The following ME2 variants were observed in gnomAD, a reference collection of about 807,000 sequenced individuals.
The protein encoded by ME2 is NAD-dependent malic enzyme, mitochondrial.
Under a neutral mutation model 73.7 loss-of-function variants are expected in ME2, and 60 were observed. The observed-to-expected ratio is 0.81, with a 90% CI of 0.66 to 1.01. The LOEUF (loss-of-function observed/expected upper bound fraction) is 1.01, where lower values mean the gene tolerates loss of function less well. Among genes scored for constraint, ME2 ranks in the 50% least tolerant of loss-of-function variants. The pLI, the probability that ME2 is intolerant of heterozygous loss-of-function variation, is 0.00. For missense variants in ME2, 594 were observed against 705.5 expected (o/e 0.84, Z 1.79); for synonymous variants, 199 against 236.9 (o/e 0.84, Z 1.47).
chr18:50,879,125 C>T lies in ME2; in HGVS notation c.-196C>T, dbSNP rs1479565374. ...CTCCTCGCGCCCTCCCCTCTCTCGGCCGCTCTTCGGGCCGCCTCTGCGTGT... is the reference window on the plus strand; with the variant it reads ...CTCCTCGCGCCCTCCCCTCTCTCGGTCGCTCTTCGGGCCGCCTCTGCGTGT... On this transcript the variant is annotated 5_prime_UTR_variant, in exon 1 of 16. Coordinates refer to ENST00000321341, the MANE Select transcript of ME2 (RefSeq NM_002396.5). The T allele has an allele frequency of 1.3e-5, 2 of 152,266 alleles. No homozygotes were observed. Among genetic ancestry groups the T allele is most frequent in the African/African-American group, 4.8e-5 (2 of 41,460 alleles). 9.4% of individuals were successfully genotyped at this position (152,266 alleles called of 1,614,324 possible). A position where few individuals can be genotyped will look rare whatever the true frequency, so the allele number is the denominator to read the frequency against.
At chr18:50,892,130 A>T (rs982715344) in intron 1 of ME2, among the ~76,000 whole-genome samples, 1 of 152,014 alleles carries the variant, frequency 6.6e-6, no homozygotes, top group African/African-American at 2.4e-5. Context: ...CTGGACTTGT[A>T]ATTCTTTATA....
intron 2 of ME2, among the ~76,000 whole-genome samples, chr18:50,897,659 G>A (rs1195487388): frequency 1.3e-5 from 2 of 151,446 alleles, no homozygotes; most frequent in Admixed American, 6.6e-5. Flanking sequence ...TTGGGAGTTC[G>A]AGACCAGCCT....
At chr18:50,887,152 G>A (rs1418503531) in intron 1 of ME2, among the ~76,000 whole-genome samples, 2 of 152,192 alleles carry the variant, frequency 1.3e-5, no homozygotes, top group Admixed American at 1.3e-4. Flanking sequence ...GAGTAAATAA[G>A]TATAATATAT....
chr18:50,941,563 C>T (rs550634649), intron 15 of ME2, among the ~76,000 whole-genome samples: 34 of 150,534 alleles, frequency 2.3e-4, no homozygotes, highest in South Asian at 1.0e-3. Flanking sequence ...TTAGTAGAGA[C>T]GGGGTTTCAC....
At chr18:50,916,349 CT>C in intron 5 of ME2, 106 bp downstream of exon 5, 1 of 838,404 alleles carries the variant, frequency 1.2e-6, no homozygotes, top group South Asian at 1.7e-5. Context: ...TTATTTTGCA[CT>C]TATATACATG....
At chr18:50,925,971 C>A in intron 12 of ME2, 73 bp downstream of exon 12, 2 of 1,081,232 alleles carry the variant, frequency 1.8e-6, no homozygotes, top group Non-Finnish European at 2.8e-6. Flanking sequence ...CATTCTTACA[C>A]CATTGTTCTA....
rs767845132 is a variant in ME2, at chr18:50,918,244, C to T, written c.734+31C>T. ...TTTTAAAAGTTTGAGTATATGAAAG[C>T]ACCTTTAATGGGGTGGGTGGGGTAA... On this transcript the variant is annotated intron_variant, in intron 7 of 15. Coordinates refer to ENST00000321341, the MANE Select transcript of ME2 (RefSeq NM_002396.5). 2.7e-5 allele frequency: 40 copies of T among 1,457,906 alleles called. 1 individual carries two copies. The highest frequency in any genetic ancestry group is 1.4e-4 in the East Asian group (6 of 43,752). The allele number at this position is 1,457,906 out of a possible 1,614,324, so 90.3% of individuals were successfully genotyped here.
chr18:50,925,622 T>G, intron 11 of ME2, 134 bp from the exon 12 acceptor site: 2 of 677,712 alleles, frequency 3.0e-6, no homozygotes, highest in Non-Finnish European at 5.0e-6. Flanking sequence ...TTTGCATTGC[T>G]GAGATAGTGC....
Position 50,895,881 on chromosome 18 carries a change from A to G in ME2, c.61A>G (p.Ile21Val), listed in dbSNP as rs768690924. ...TCTLACRHLH[I>V]KEKGKPLMLN... ...TACTTTGGCATGTCGACATTTGCAC[A>G]TAAAAGAAAAAGGCAAGCCACTTAT... Residue 21 changes from isoleucine to valine, a missense_variant, in exon 2 of 16, where the codon ATA becomes GTA. Coordinates refer to ENST00000321341, the MANE Select transcript of ME2 (RefSeq NM_002396.5). The G allele has an allele frequency of 2.5e-6, 4 of 1,613,974 alleles. No individual in the cohort carries two copies. Among genetic ancestry groups the G allele is most frequent in the South Asian group, 1.1e-5 (1 of 91,076 alleles).
chr18:50,939,663 AT>A, intron 14 of ME2, 23 bp downstream of exon 14: 1 of 1,518,776 alleles, frequency 6.6e-7, no homozygotes, highest in Non-Finnish European at 9.1e-7. Context: ...AATGTTGTTT[AT>A]TTTATAAAGG....
chr18:50,932,318 G>A lies in ME2; in HGVS notation c.1375G>A (p.Val459Ile), dbSNP rs765620757. The A allele has an allele frequency of 5.6e-6, 9 of 1,613,282 alleles. No individual in the cohort carries two copies. In the African/African-American group the frequency reaches 1.1e-4, roughly 19 times the overall value. Residue 459 changes from valine to isoleucine, a missense_variant, in exon 13 of 16, where the codon GTC (valine) becomes ATC (isoleucine). Coordinates refer to ENST00000321341, the MANE Select transcript of ME2 (RefSeq NM_002396.5). ...FGPVKLTDGR[V>I]FTPGQGNNVY... is the part of the protein sequence containing the mutation. ...GCCAGTGAAACTTACAGATGGGCGA[G>A]TCTTTACACCAGGTCAAGGAAACAA...
intron 3 of ME2, among the ~76,000 whole-genome samples, chr18:50,910,819 C>T (rs1238730681): frequency 1.3e-5 from 2 of 152,088 alleles, no homozygotes; most frequent in Non-Finnish European, 1.5e-5. Flanking sequence ...ACAGTAATGA[C>T]AGGGAGAGAT....
At chr18:50,941,353 C>CTGTTTTTTTTTT (rs1917952096) in intron 15 of ME2, among the ~76,000 whole-genome samples, 1 of 63,820 alleles carries the variant, frequency 1.6e-5, no homozygotes, top group Non-Finnish European at 2.5e-5. Flanking sequence ...GTGATGGTTT[C>CTGTTTTTTTTTT]TTTTTTTTTT....
chr18:50,900,568 C>G (rs1486664588), intron 2 of ME2, among the ~76,000 whole-genome samples: 1 of 152,126 alleles, frequency 6.6e-6, no homozygotes, highest in Non-Finnish European at 1.5e-5. Flanking sequence ...AGGCGTGAGC[C>G]ACTACGCCCA....
intron 2 of ME2, among the ~76,000 whole-genome samples, chr18:50,898,888 G>C (rs1449990565): frequency 6.6e-6 from 1 of 152,132 alleles, no homozygotes; most frequent in East Asian, 1.9e-4. Context: ...AATAATATAG[G>C]TAATAGCATT....
chr18:50,911,914 A>G (rs142572966), intron 3 of ME2, among the ~76,000 whole-genome samples: 23 of 152,310 alleles, frequency 1.5e-4, no homozygotes, highest in African/African-American at 5.5e-4. Context: ...TGTATTTATA[A>G]AGACTGGTAA....
intron 2 of ME2, among the ~76,000 whole-genome samples, chr18:50,904,209 A>G (rs946155988): frequency 6.0e-5 from 9 of 150,640 alleles, no homozygotes; most frequent in African/African-American, 2.0e-4. Flanking sequence ...ATCTTTTTCC[A>G]TCCTTTTACT....
At chr18:50,941,744 G>T (rs1917967665) in intron 15 of ME2, among the ~76,000 whole-genome samples, 1 of 151,154 alleles carries the variant, frequency 6.6e-6, no homozygotes, top group Admixed American at 6.6e-5. Flanking sequence ...GTGTTTTAAG[G>T]CTTCTGATGC....
intron 1 of ME2, among the ~76,000 whole-genome samples, chr18:50,883,535 CA>C: frequency 6.6e-6 from 1 of 152,250 alleles, no homozygotes; most frequent in East Asian, 1.9e-4. Flanking sequence ...GTGACCATAC[CA>C]GGGCAAGAAA....
Sources: gnomAD v4.1 joint callset for allele counts (sites outside exome capture counted in the v4.1 genomes callset) on GRCh38, gnomAD v4.1.1 for gene constraint, MANE v1.5 for transcripts, NCBI Gene and HGNC (gene_info 2026-07-23, HGNC 2026-07-21) for gene names.